Variants in HNRNPA2B1 observed in about 807,000 individuals in gnomAD.
HNRNPA2B1 encodes the protein heterogeneous nuclear ribonucleoproteins A2/B1.
Under a neutral mutation model 46.3 loss-of-function variants are expected in HNRNPA2B1, and 3 were observed. That is an observed-to-expected ratio of 0.06 (90% CI 0.03 to 0.17). The LOEUF is 0.17. Among genes scored for constraint, HNRNPA2B1 ranks in the 10% least tolerant of loss-of-function variants. The probability of loss-of-function intolerance (pLI) is 1.00; values close to 1 mark genes in which losing one functional copy is unlikely to be tolerated. For missense variants in HNRNPA2B1, 221 were observed against 418.9 expected (o/e 0.53, Z 4.12); for synonymous variants, 225 against 133.8 (o/e 1.68, Z -4.70).
rs1783127492 is a variant in HNRNPA2B1, at chr7:26,193,379, A to T, written c.842-6T>A. ...ATTTCCACTTCCATAATTTCCTATTAAAAAATTGGAATACTCAGAACAATA... is the reference window on the plus strand; with the variant it reads ...ATTTCCACTTCCATAATTTCCTATTTAAAAATTGGAATACTCAGAACAATA... On this transcript the variant is annotated splice_region_variant and splice_polypyrimidine_tract_variant and intron_variant, in intron 8 of 10. Transcript: ENST00000618183. The T allele has an allele frequency of 1.9e-6, 3 of 1,608,088 alleles. No homozygotes were observed. The highest frequency in any genetic ancestry group is 2.6e-6 in the Non-Finnish European group (3 of 1,174,902).
intron 1 of HNRNPA2B1, chr7:26,198,542 AAGAT>A (rs1403593529): frequency 6.6e-6 from 1 of 151,976 alleles, no homozygotes; most frequent in Non-Finnish European, 1.5e-5. Flanking sequence ...CATAATCTCT[AAGAT>A]AACAATTACT....
At chr7:26,195,780 GAAGTA>G in intron 7 of HNRNPA2B1, 62 bp downstream of exon 7, 1 of 1,524,808 alleles carries the variant, frequency 6.6e-7, no homozygotes, top group Non-Finnish European at 8.9e-7. Context: ...AAATATAAAT[GAAGTA>G]AATATACGAT....
rs1412616487 is a variant in HNRNPA2B1 at position 26,191,278 on chromosome 7, A to C, written c.*1082T>G. 2 of 152,226 alleles carry C rather than the reference A, an allele frequency of 1.3e-5. No homozygotes were observed. The highest frequency in any genetic ancestry group is 6.5e-5 in the Admixed American group (1 of 15,286). The allele number at this position is 152,226 out of a possible 1,614,324, so 9.4% of individuals were successfully genotyped here. A position where few individuals can be genotyped will look rare whatever the true frequency, so the allele number is the denominator to read the frequency against. ...TTGGAAAACAGGGTTTATAAAAATT[A>C]TTCTCTTGAGTTTATAAATTGTTAA... On this transcript the variant is annotated 3_prime_UTR_variant, in exon 11 of 11. Coordinates refer to ENST00000618183, the MANE Select transcript of HNRNPA2B1 (RefSeq NM_002137.4).
intron 9 of HNRNPA2B1, 48 bp downstream of exon 9, chr7:26,193,203 A>T: frequency 6.4e-7 from 1 of 1,568,528 alleles, no homozygotes; most frequent in Non-Finnish European, 8.7e-7. Flanking sequence ...ACAAAAGGCT[A>T]ATCCTTTAAT....
chr7:26,198,012 A>T (rs1186985539), intron 1 of HNRNPA2B1: 1 of 450,470 alleles, frequency 2.2e-6, no homozygotes, highest in Non-Finnish European at 3.9e-6. Context: ...ACATTAAATT[A>T]TCTTAAATTA....
chr7:26,200,496 G>A (rs573247307), intron 1 of HNRNPA2B1, 76 bp downstream of exon 1: 38 of 1,465,774 alleles, frequency 2.6e-5, no homozygotes, highest in Middle Eastern at 3.4e-4. Context: ...CACGGAGGCG[G>A]CTGGCCGACT....
At chr7:26,197,576 A>C in intron 2 of HNRNPA2B1, 46 bp downstream of exon 2, 2 of 1,561,856 alleles carry the variant, frequency 1.3e-6, no homozygotes, top group Non-Finnish European at 1.8e-6. Flanking sequence ...CACTTAACAT[A>C]CAGCTAAAAG....
In HNRNPA2B1 at chr7:26,197,117, A is replaced by G. The variant is rs1783730455; in HGVS notation, c.265-100T>C. The G allele has an allele frequency of 9.0e-6, 10 of 1,113,024 alleles. No individual in the cohort carries two copies. In the Admixed American group the frequency reaches 9.0e-5, roughly 10 times the overall value. 68.9% of individuals were successfully genotyped at this position (1,113,024 alleles called of 1,614,324 possible). ...ACCATACTTCGCTTGTATCCACCTT[A>G]AAACTACCAGATATAAAATAGCTTT... On this transcript the variant is annotated intron_variant, in intron 3 of 10. Coordinates refer to ENST00000618183, the MANE Select transcript of HNRNPA2B1 (RefSeq NM_002137.4).
intron 1 of HNRNPA2B1, chr7:26,197,943 T>TACGG: frequency 1.2e-6 from 1 of 866,652 alleles, no homozygotes; most frequent in Non-Finnish European, 1.7e-6. Flanking sequence ...CACCAAAAAA[T>TACGG]TGCCTCAGCT....
At chr7:26,196,323 G>T (rs201904590) in intron 6 of HNRNPA2B1, 78 bp downstream of exon 6, 3 of 1,182,006 alleles carry the variant, frequency 2.5e-6, no homozygotes, top group African/African-American at 1.5e-5. Context: ...TGGATTTCTT[G>T]ATTCTACTAA....
chr7:26,191,210 A>C lies in HNRNPA2B1; in HGVS notation c.*1150T>G, dbSNP rs1420131088. The C allele has an allele frequency of 2.0e-5, 3 of 152,422 alleles. No individual in the cohort carries two copies. The highest frequency in any genetic ancestry group is 4.4e-5 in the Non-Finnish European group (3 of 67,982). 9.4% of individuals were successfully genotyped at this position (152,422 alleles called of 1,614,324 possible). A position where few individuals can be genotyped will look rare whatever the true frequency, so the allele number is the denominator to read the frequency against. On this transcript the variant is annotated 3_prime_UTR_variant, in exon 11 of 11. Transcript: ENST00000618183. ...GGGGGAGGGGGTGGGAAAAGAAGGA[A>C]AAAAAGGGAAAAACAACCAAAATAA...
At position 26,190,944 on chromosome 7, in the gene HNRNPA2B1, G is replaced by A. The variant is rs1365613292; in HGVS notation, c.*1416C>T. The A allele has an allele frequency of 6.6e-5, 10 of 152,544 alleles. No homozygotes were observed. The South Asian group carries it at 8.3e-4, about 13-fold the overall frequency. The allele number at this position is 152,544 out of a possible 1,614,324, so 9.4% of individuals were successfully genotyped here. On this transcript the variant is annotated 3_prime_UTR_variant, in exon 11 of 11. Coordinates refer to ENST00000618183, the MANE Select transcript of HNRNPA2B1 (RefSeq NM_002137.4). ...AAATGTGAATACACAAGGGTGTAAC[G>A]ATGGGAAATCTCATGATTTATTGAA...
In HNRNPA2B1 at chr7:26,193,567, TTTA is replaced by T. The variant is rs762284994; in HGVS notation, c.841+5_841+7del. On this transcript the variant is annotated splice_donor_5th_base_variant and intron_variant, in intron 8 of 10. Coordinates refer to ENST00000618183, the MANE Select transcript of HNRNPA2B1 (RefSeq NM_002137.4). ...TTCCCACATAAAGGTTGCAGGTGAA[TTTA>T]TTACCTCCTCCATAGTTGTCATAAC... is the stretch of plus-strand genomic sequence containing the variant. The T allele has an allele frequency of 1.9e-6, 3 of 1,577,708 alleles. No homozygotes were observed. The highest frequency in any genetic ancestry group is 1.2e-5 in the South Asian group (1 of 84,942).
chr7:26,196,742 G>A, intron 4 of HNRNPA2B1, 65 bp downstream of exon 4: 14 of 1,560,736 alleles, frequency 9.0e-6, no homozygotes, highest in Admixed American at 5.1e-5. Context: ...TAAAGTTACA[G>A]ATGTTAACAT....
chr7:26,195,792 C>T lies in HNRNPA2B1; in HGVS notation c.721+55G>A, dbSNP rs1430652719. Reference sequence around the variant, plus strand: ...TCAAAATATAAATGAAGTAAATATACGATATAGTTAAGTATTAGTCACATA... The same window carrying T: ...TCAAAATATAAATGAAGTAAATATATGATATAGTTAAGTATTAGTCACATA... On this transcript the variant is annotated intron_variant, in intron 7 of 10. Coordinates refer to ENST00000618183, the MANE Select transcript of HNRNPA2B1 (RefSeq NM_002137.4). The T allele has an allele frequency of 1.5e-5, 23 of 1,567,920 alleles. No homozygotes were observed. In the East Asian group the frequency reaches 2.1e-4, roughly 14 times the overall value.
At chr7:26,195,623 C>G (rs1025019311) in intron 7 of HNRNPA2B1, 1 of 525,148 alleles carries the variant, frequency 1.9e-6, no homozygotes, top group Non-Finnish European at 3.3e-6. Context: ...AGATGAGATA[C>G]TCTGATGGTT....
In HNRNPA2B1 at chr7:26,197,825, G is replaced by A. The variant is rs1204225273; in HGVS notation, c.7-93C>T. 8 of 1,605,536 alleles carry A rather than the reference G, an allele frequency of 5.0e-6. 1 individual carries two copies. The highest frequency in any genetic ancestry group is 4.5e-5 in the South Asian group (4 of 89,316). On this transcript the variant is annotated intron_variant, in intron 1 of 10. Transcript: ENST00000618183. ...TTAAATATGAGGTGACCTGCTGGCA[G>A]AGTACCTTTTTCCTCTCCAAAGGAA...
intron 5 of HNRNPA2B1, 37 bp downstream of exon 5, chr7:26,196,520 A>G (rs1243963608): frequency 5.6e-6 from 9 of 1,612,738 alleles, no homozygotes; most frequent in Admixed American, 3.3e-5. Context: ...GCCCTTATAT[A>G]TGAACAAAAA....
At chr7:26,195,758 T>G in intron 7 of HNRNPA2B1, 89 bp downstream of exon 7, 1 of 1,430,826 alleles carries the variant, frequency 7.0e-7, no homozygotes, top group Non-Finnish European at 9.4e-7. Context: ...ATATAAAATG[T>G]TTAAAAACTC....
Sources: allele counts gnomAD v4.1 joint callset, GRCh38; gene constraint gnomAD v4.1.1; transcripts MANE v1.5; gene names NCBI Gene and HGNC (gene_info 2026-07-23, HGNC 2026-07-21).